Variants in NLGN1 observed in about 807,000 individuals in gnomAD.
The protein encoded by NLGN1 is neuroligin 1, also known as neuroligin-1.
A neutral mutation model predicts 65.5 loss-of-function variants in NLGN1; 12 were observed. The observed-to-expected ratio is 0.18, with a 90% CI of 0.12 to 0.30. The LOEUF is 0.30. Ranked by LOEUF, NLGN1 falls within the 10% of genes least tolerant of loss-of-function variation. NLGN1 has a pLI of 1.00. For synonymous variants in NLGN1, 350 were observed against 359.5 expected, an observed-to-expected ratio of 0.97 and a Z score of 0.30; for missense variants, 750 against 1,007.1, an observed-to-expected ratio of 0.74 and a Z score of 3.46.
chr3:174,183,430 G>A (rs924543438), intron 4 of NLGN1, among the ~76,000 whole-genome samples: 9 of 151,736 alleles, frequency 5.9e-5, no homozygotes, highest in East Asian at 3.9e-4. Context: ...AATAACTGTT[G>A]GTTAAAAGAA....
intron 2 of NLGN1, among the ~76,000 whole-genome samples, chr3:173,483,925 AAC>A (rs1434803596): frequency 6.6e-6 from 1 of 152,168 alleles, no homozygotes; most frequent in Non-Finnish European, 1.5e-5. Context: ...CCTGAAATGT[AAC>A]AGTTTATAAT....
At chr3:174,102,239 T>A (rs1383380420) in intron 4 of NLGN1, among the ~76,000 whole-genome samples, 4 of 152,110 alleles carry the variant, frequency 2.6e-5, no homozygotes, top group African/African-American at 9.7e-5. Flanking sequence ...CCTCTCTTGG[T>A]TTAACTCTTG....
At chr3:173,492,845 A>G (rs1454106269) in intron 2 of NLGN1, among the ~76,000 whole-genome samples, 1 of 151,828 alleles carries the variant, frequency 6.6e-6, no homozygotes, top group Non-Finnish European at 1.5e-5. Context: ...AAATCATGCT[A>G]GAGAAACCCT....
At chr3:173,397,364 G>T (rs954659560), upstream of NLGN1, among the ~76,000 whole-genome samples, 2 of 152,044 alleles carry the variant, frequency 1.3e-5, no homozygotes, top group African/African-American at 4.8e-5. Flanking sequence ...TTTAACTCCC[G>T]TTCAAGGGAC....
At chr3:173,653,035 C>T (rs529384141) in intron 3 of NLGN1, among the ~76,000 whole-genome samples, 6 of 151,950 alleles carry the variant, frequency 3.9e-5, no homozygotes, top group East Asian at 1.9e-4. Context: ...ATTTTGTTCT[C>T]GGTTTCATTG....
At chr3:174,091,318 C>A (rs753172546) in intron 4 of NLGN1, among the ~76,000 whole-genome samples, 10 of 152,150 alleles carry the variant, frequency 6.6e-5, no homozygotes, top group Admixed American at 1.3e-4. Flanking sequence ...AGAATGCATT[C>A]TACTCTGAGT....
At chr3:174,120,001 AC>A (rs1717411946) in intron 4 of NLGN1, among the ~76,000 whole-genome samples, 1 of 152,242 alleles carries the variant, frequency 6.6e-6, no homozygotes, top group African/African-American at 2.4e-5. Context: ...TTTGAAAACC[AC>A]TGATATAGAT....
intron 2 of NLGN1, among the ~76,000 whole-genome samples, chr3:173,445,597 A>T (rs1720117552): frequency 6.6e-6 from 1 of 152,186 alleles, no homozygotes; most frequent in East Asian, 1.9e-4. Context: ...CGTCTGCACT[A>T]ATAGAGTAAT....
chr3:174,103,888 C>T (rs1023080446), intron 4 of NLGN1, among the ~76,000 whole-genome samples: 15 of 151,944 alleles, frequency 9.9e-5, no homozygotes, highest in African/African-American at 3.6e-4. Context: ...TGTGTTATAG[C>T]TAACACTGTG....
At chr3:173,611,494 T>A (rs1408004613) in intron 3 of NLGN1, among the ~76,000 whole-genome samples, 1 of 152,096 alleles carries the variant, frequency 6.6e-6, no homozygotes, top group Non-Finnish European at 1.5e-5. Context: ...AATTTGCTAG[T>A]AGAAAAATCA....
rs115566708 is a variant in NLGN1 at position 173,902,066 on chromosome 3, C to T, written c.646+94234C>T. ...GGTTCCCTACACAGATAGCCCTTGA[C>T]GGAATGTTATTTGATTATCCAAATC... On this transcript the variant is annotated intron_variant, in intron 4 of 6. Coordinates refer to ENST00000457714, the Ensembl canonical transcript of NLGN1. 1.5e-3 allele frequency among the ~76,000 whole-genome samples: 235 copies of T among 152,188 alleles called. 1 individual carries two copies. The highest frequency in any genetic ancestry group is 5.3e-3 in the African/African-American group (221 of 41,552).
chr3:173,492,133 A>C (rs891155350), intron 2 of NLGN1, among the ~76,000 whole-genome samples: 4 of 151,894 alleles, frequency 2.6e-5, no homozygotes, highest in African/African-American at 9.7e-5. Context: ...TTTACATAAA[A>C]TGGTGAAATA....
chr3:173,454,806 G>T (rs9850688), intron 2 of NLGN1, among the ~76,000 whole-genome samples: 3,294 of 152,228 alleles, frequency 0.022, 112 homozygotes, highest in African/African-American at 0.076. Context: ...TAACACATTA[G>T]TTTGCTTTTT....
chr3:173,870,100 C>T (rs1730890748), intron 4 of NLGN1, among the ~76,000 whole-genome samples: 1 of 152,056 alleles, frequency 6.6e-6, no homozygotes, highest in South Asian at 2.1e-4. Context: ...TTAGAGAAAG[C>T]CTTCCTAGGT....
intron 2 of NLGN1, among the ~76,000 whole-genome samples, chr3:173,548,377 A>T (rs988827500): frequency 7.2e-5 from 11 of 152,126 alleles, no homozygotes; most frequent in Non-Finnish European, 1.2e-4. Flanking sequence ...CCAGACTTTT[A>T]AATCGTGTAT....
At chr3:173,715,067 G>T (rs1459498421) in intron 3 of NLGN1, among the ~76,000 whole-genome samples, 1 of 152,092 alleles carries the variant, frequency 6.6e-6, no homozygotes, top group East Asian at 1.9e-4. Flanking sequence ...AGTGGTTGTA[G>T]CCCCTCAAAA....
At chr3:173,454,097 A>G (rs1010231665) in intron 2 of NLGN1, among the ~76,000 whole-genome samples, 21 of 152,332 alleles carry the variant, frequency 1.4e-4, no homozygotes, top group African/African-American at 5.1e-4. Flanking sequence ...CTCTTGAGTG[A>G]CTAGGTGCAT....
chr3:173,958,912 C>A (rs1712825632), intron 4 of NLGN1, among the ~76,000 whole-genome samples: 1 of 152,204 alleles, frequency 6.6e-6, no homozygotes. Flanking sequence ...GTCAGTACTG[C>A]CCTGAGCATG....
chr3:173,489,275 C>G (rs1418580614), intron 2 of NLGN1, among the ~76,000 whole-genome samples: 2 of 151,966 alleles, frequency 1.3e-5, no homozygotes, highest in Non-Finnish European at 1.5e-5. Context: ...TGATGTCCCC[C>G]TTCCTGTGTC....
Sources: allele counts gnomAD v4.1 joint callset (sites outside exome capture counted in the v4.1 genomes callset), GRCh38; gene constraint gnomAD v4.1.1; transcripts MANE v1.5; gene names NCBI Gene and HGNC (gene_info 2026-07-23, HGNC 2026-07-21).